SYTL5: variants seen among roughly 807,000 people sequenced by gnomAD.
The protein encoded by SYTL5 is synaptotagmin like 5, also known as synaptotagmin-like protein 5.
A neutral mutation model predicts 55.9 loss-of-function variants in SYTL5; 34 were observed. That is an observed-to-expected ratio of 0.61 (90% CI 0.46 to 0.81). The LOEUF (loss-of-function observed/expected upper bound fraction) is 0.81, where lower values mean the gene tolerates loss of function less well. SYTL5 is among the 30% of genes least tolerant of loss of function. The pLI is 0.00. For synonymous variants in SYTL5, 221 were observed against 188.7 expected, an observed-to-expected ratio of 1.17 and a Z score of -1.40; for missense variants, 637 against 546.7, an observed-to-expected ratio of 1.17 and a Z score of -1.65.
chrX:37,951,730 A>C, the SYTL5 span, among the ~76,000 whole-genome samples: 2 of 111,496 alleles, frequency 1.8e-5, no homozygotes, highest in African/African-American at 3.3e-5. Flanking sequence ...ATGAGTCTAA[A>C]GAGTTAGCTA....
At chrX:37,967,285 C>G in the SYTL5 span, among the ~76,000 whole-genome samples, 1 of 111,466 alleles carries the variant, frequency 9.0e-6, no homozygotes, top group Admixed American at 9.5e-5. Flanking sequence ...CTCCTGACCT[C>G]AAATGATCTG....
At chrX:38,125,630 A>C (rs1937628640) in intron 16 of SYTL5, 124 bp downstream of exon 16, 1 of 499,370 alleles carries the variant, frequency 2.0e-6, no homozygotes, top group African/African-American at 2.3e-5. Context: ...AAATTACCAC[A>C]AATACTTCAT....
chrX:38,050,026 C>T (rs990177790), intron 2 of SYTL5, among the ~76,000 whole-genome samples: 1 of 111,896 alleles, frequency 8.9e-6, no homozygotes, highest in African/African-American at 3.3e-5. Flanking sequence ...GAACCCTGTG[C>T]TCTGGGCCAC....
intron 1 of SYTL5, among the ~76,000 whole-genome samples, chrX:38,012,320 T>C (rs1175544427): frequency 8.9e-6 from 1 of 112,309 alleles, no homozygotes; most frequent in Non-Finnish European, 1.9e-5. Context: ...AACTCTAAGA[T>C]ACATATCATT....
intron 6 of SYTL5, among the ~76,000 whole-genome samples, chrX:38,086,170 C>A (rs1014618721): frequency 1.3e-4 from 15 of 111,539 alleles, no homozygotes; most frequent in Non-Finnish European, 2.6e-4. Context: ...GGGCCTCAAT[C>A]CCCGGTATGG....
chrX:37,931,982 A>T, the SYTL5 span, among the ~76,000 whole-genome samples: 1 of 112,107 alleles, frequency 8.9e-6, no homozygotes, highest in Non-Finnish European at 1.9e-5. Context: ...TAGTGTGTAT[A>T]GAAATAGAAT....
chrX:37,963,718 C>G, the SYTL5 span, among the ~76,000 whole-genome samples: 1 of 111,905 alleles, frequency 8.9e-6, no homozygotes, highest in East Asian at 2.8e-4. Context: ...ATTTGAATGC[C>G]TTTTATTTAT....
At chrX:38,121,010 A>C (rs1304656591) in intron 14 of SYTL5, among the ~76,000 whole-genome samples, 1 of 112,094 alleles carries the variant, frequency 8.9e-6, no homozygotes, top group Non-Finnish European at 1.9e-5. Context: ...TGTAGGAAGC[A>C]TAAAACAGGC....
the SYTL5 span, among the ~76,000 whole-genome samples, chrX:37,958,374 G>C: frequency 9.0e-6 from 1 of 110,853 alleles, no homozygotes; most frequent in Non-Finnish European, 1.9e-5. Context: ...AGGGAAGAGT[G>C]TGTCAGCTCA....
intron 13 of SYTL5, among the ~76,000 whole-genome samples, chrX:38,111,771 T>A (rs772908943): frequency 8.9e-6 from 1 of 112,070 alleles, no homozygotes; most frequent in East Asian, 2.8e-4. Flanking sequence ...CTAATTATAA[T>A]TCTGTCATTT....
the SYTL5 span, among the ~76,000 whole-genome samples, chrX:37,979,782 A>C: frequency 9.5e-6 from 1 of 104,937 alleles, no homozygotes; most frequent in Middle Eastern, 4.9e-3. Context: ...TAAATGCTTG[A>C]CCATTTCTTT....
chrX:37,971,885 G>C, the SYTL5 span, among the ~76,000 whole-genome samples: 1 of 108,361 alleles, frequency 9.2e-6, no homozygotes, highest in Non-Finnish European at 1.9e-5. Context: ...CTGTTTGTGG[G>C]ATCCATGTGT....
chrX:38,088,005 T>A (rs779288849), intron 6 of SYTL5, among the ~76,000 whole-genome samples: 1 of 111,627 alleles, frequency 9.0e-6, no homozygotes, highest in South Asian at 3.8e-4. Flanking sequence ...CTAAAACATA[T>A]TTTACAAGGA....
At chrX:37,895,485 T>TC in the SYTL5 span, among the ~76,000 whole-genome samples, 2 of 83,188 alleles carry the variant, frequency 2.4e-5, no homozygotes, top group South Asian at 6.5e-4. Context: ...TCTCTCTCTC[T>TC]TTTTTTCTTT....
chrX:38,093,567 A>G (rs1468336787), intron 7 of SYTL5, among the ~76,000 whole-genome samples: 1 of 111,225 alleles, frequency 9.0e-6, no homozygotes, highest in Non-Finnish European at 1.9e-5. Flanking sequence ...AGTTGGGTCT[A>G]TGGTCATGGG....
chrX:38,107,866 G>GTCT (rs1937256999), intron 11 of SYTL5, among the ~76,000 whole-genome samples: 1 of 111,691 alleles, frequency 9.0e-6, no homozygotes, highest in Non-Finnish European at 1.9e-5. Context: ...ATGGAAAGGG[G>GTCT]TCTTCTAAAA....
chrX:37,941,368 A>G, the SYTL5 span, among the ~76,000 whole-genome samples: 20 of 111,477 alleles, frequency 1.8e-4, no homozygotes, highest in African/African-American at 6.5e-4. Context: ...GTAATTCATC[A>G]TTGACGTTAA....
chrX:38,057,097 T>C (rs923207970), intron 3 of SYTL5, among the ~76,000 whole-genome samples: 8 of 111,906 alleles, frequency 7.1e-5, no homozygotes, highest in Non-Finnish European at 1.3e-4. Context: ...AGTTTTCTTA[T>C]AGTAGTTTCA....
intron 3 of SYTL5, among the ~76,000 whole-genome samples, chrX:38,066,488 G>C: frequency 8.9e-6 from 1 of 111,840 alleles, no homozygotes. Context: ...ATTCTTCAGA[G>C]TATGACTTAC....
Sources: gnomAD v4.1 joint callset for allele counts (sites outside exome capture counted in the v4.1 genomes callset) on GRCh38, gnomAD v4.1.1 for gene constraint, MANE v1.5 for transcripts, NCBI Gene and HGNC (gene_info 2026-07-23, HGNC 2026-07-21) for gene names.